CAPRIN2: variants seen among roughly 807,000 people sequenced by gnomAD.
CAPRIN2 encodes the protein caprin-2.
Under a neutral mutation model 130.4 loss-of-function variants are expected in CAPRIN2, and 66 were observed. That is an observed-to-expected ratio of 0.51 (90% CI 0.42 to 0.62). The LOEUF is 0.62. Ranked by LOEUF, CAPRIN2 falls within the 20% of genes least tolerant of loss-of-function variation. CAPRIN2 has a pLI of 0.00. For missense variants in CAPRIN2, 1,185 were observed against 1,246.6 expected, an observed-to-expected ratio of 0.95 and a Z score of 0.74; for synonymous variants, 471 against 444.1, an observed-to-expected ratio of 1.06 and a Z score of -0.76.
chr12:30,751,383 T>G (rs1420992507), intron 1 of CAPRIN2: 19 of 441,040 alleles, frequency 4.3e-5, no homozygotes, highest in Non-Finnish European at 6.7e-5. Context: ...TCTTAATGAC[T>G]CTATTAATAA....
At chr12:30,749,757 T>G (rs2072774131) in intron 2 of CAPRIN2, among the ~76,000 whole-genome samples, 1 of 152,212 alleles carries the variant, frequency 6.6e-6, no homozygotes, top group African/African-American at 2.4e-5. Flanking sequence ...TTCAGAGGAC[T>G]GATCTGTTGG....
intron 8 of CAPRIN2, 143 bp from the exon 10 acceptor site, chr12:30,726,231 C>T (rs2060885719): frequency 8.0e-6 from 5 of 624,058 alleles, no homozygotes; most frequent in South Asian, 1.5e-4. Flanking sequence ...TCATAAATAC[C>T]TTTTCTAAAT....
intron 5 of CAPRIN2, among the ~76,000 whole-genome samples, chr12:30,733,025 T>G (rs890309580): frequency 6.6e-6 from 1 of 152,162 alleles, no homozygotes; most frequent in Non-Finnish European, 1.5e-5. Context: ...TTTGGATTTT[T>G]TTTTAAAAGG....
exon 17 of CAPRIN2, chr12:30,709,957 T>A: frequency 6.2e-7 from 1 of 1,612,134 alleles, no homozygotes; most frequent in Non-Finnish European, 8.5e-7. Flanking sequence ...GCTACTTCCA[T>A]AAATTGCTCC....
intron 13 of CAPRIN2, 183 bp from the exon 16 acceptor site, chr12:30,715,324 A>G: frequency 1.5e-6 from 1 of 654,968 alleles, no homozygotes; most frequent in East Asian, 2.8e-5. Context: ...TATATAATGG[A>G]ATATTATTCA....
intron 8 of CAPRIN2, 160 bp downstream of exon 9, chr12:30,728,488 G>C (rs1305132138): frequency 1.7e-6 from 1 of 594,968 alleles, no homozygotes. Context: ...CCAGGAGGCG[G>C]AGGTTACAGT....
rs961170764 is a variant in CAPRIN2, at chr12:30,719,431, A to C, written c.2148+1380T>G. The C allele has an allele frequency of 3.9e-5, 22 of 561,654 alleles. No individual in the cohort carries two copies. In the African/African-American group the frequency reaches 4.1e-4, roughly 11 times the overall value. The allele number at this position is 561,654 out of a possible 1,614,324, so 34.8% of individuals were successfully genotyped here. ...ATTTGCTTTGCACAGCTTGCTGACT[A>C]AGTGAAAGAGTCTTACCAATAATCA... is the stretch of plus-strand genomic sequence containing the variant. On this transcript the variant is annotated intron_variant, in intron 12 of 16. Coordinates refer to ENST00000298892, the Ensembl canonical transcript of CAPRIN2.
chr12:30,750,143 A>G (rs2139825164), intron 2 of CAPRIN2, among the ~76,000 whole-genome samples: 1 of 152,364 alleles, frequency 6.6e-6, no homozygotes, highest in East Asian at 1.9e-4. Context: ...AAGTGAGCGC[A>G]CCATTTGCAG....
At chr12:30,713,711 G>T in intron 15 of CAPRIN2, 74 bp downstream of exon 17, 1 of 837,826 alleles carries the variant, frequency 1.2e-6, no homozygotes, top group Non-Finnish European at 2.0e-6. Context: ...TTATGACTCT[G>T]CGATATACTT....
At chr12:30,752,850 C>G (rs2074652590) in intron 1 of CAPRIN2, among the ~76,000 whole-genome samples, 1 of 152,218 alleles carries the variant, frequency 6.6e-6, no homozygotes, top group African/African-American at 2.4e-5. Context: ...ACTCCTGGGT[C>G]TCTTTACAAG....
rs971356056 is a variant in CAPRIN2 at position 30,710,803 on chromosome 12, T to C, written c.2666-333A>G. On this transcript the variant is annotated intron_variant, in intron 16 of 16. Transcript: ENST00000298892. The surrounding 1 kb of genome is among the most constrained non-coding windows in gnomAD (Gnocchi z 4.8). ...TTCATCTTCCTCCCATAATTCTTAA[T>C]TTCTCAGAGGTCATTCTACAAAGCA... Among the ~76,000 whole-genome samples the C allele has an allele frequency of 6.6e-6, 1 of 152,162 alleles. No individual in the cohort carries two copies. Among genetic ancestry groups the C allele is most frequent in the African/African-American group, 2.4e-5 (1 of 41,454 alleles).
intron 5 of CAPRIN2, 114 bp from the exon 7 acceptor site, chr12:30,731,624 T>C (rs971146391): frequency 1.2e-6 from 1 of 816,764 alleles, no homozygotes. Flanking sequence ...TTTACATTGA[T>C]GTACATAGTA....
exon 8 of CAPRIN2, chr12:30,728,653 T>C: frequency 6.2e-7 from 1 of 1,603,818 alleles, no homozygotes; most frequent in Non-Finnish European, 8.5e-7. Flanking sequence ...CTCACATCTT[T>C]GGGTTCTGTG....
Position 30,713,901 on chromosome 12 carries a change from A to G in CAPRIN2, c.2501-16T>C, listed in dbSNP as rs773576430. 6.5e-6 allele frequency: 9 copies of G among 1,391,234 alleles called. No individual in the cohort carries two copies. In the Admixed American group the frequency reaches 1.4e-4, roughly 21 times the overall value. The allele number at this position is 1,391,234 out of a possible 1,614,324, so 86.2% of individuals were successfully genotyped here. On this transcript the variant is annotated splice_polypyrimidine_tract_variant and intron_variant, in intron 14 of 16. Coordinates refer to ENST00000298892, the Ensembl canonical transcript of CAPRIN2. ...GTATCAAAACCTAATAAATAAACAA[A>G]CTTACATAAGATTATGGACAAAATC... is the stretch of plus-strand genomic sequence containing the variant.
In CAPRIN2 at chr12:30,743,203, T is replaced by A. The variant is rs545049647; in HGVS notation, c.484-2097A>T. 8.1e-5 allele frequency among the ~76,000 whole-genome samples: 12 copies of A among 147,758 alleles called. No homozygotes were observed. The South Asian group carries it at 1.1e-3, about 14-fold the overall frequency. On this transcript the variant is annotated intron_variant, in intron 2 of 16. Transcript: ENST00000298892. ...CAAAACTTTACTTTAGGATTCCGTC[T>A]TTGATGTCTTCTAACAAAGAGCTGC...
chr12:30,714,861 A>G, intron 14 of CAPRIN2, 98 bp downstream of exon 16: 1 of 934,780 alleles, frequency 1.1e-6, no homozygotes, highest in Non-Finnish European at 1.6e-6. Context: ...ACTACGTTGC[A>G]AATGACAAAA....
At chr12:30,731,792 A>C (rs915585836) in intron 5 of CAPRIN2, among the ~76,000 whole-genome samples, 8 of 152,068 alleles carry the variant, frequency 5.3e-5, no homozygotes, top group Admixed American at 4.6e-4. Flanking sequence ...CAAGTCACTT[A>C]AGTTTCTCTG....
chr12:30,754,251 CA>C, exon 1 of CAPRIN2: 1 of 155,166 alleles, frequency 6.4e-6, no homozygotes, highest in Non-Finnish European at 1.4e-5. Flanking sequence ...TAGACTAGCC[CA>C]AAACCGCTTA....
exon 12 of CAPRIN2, chr12:30,720,893 C>G: frequency 6.2e-7 from 1 of 1,613,180 alleles, no homozygotes; most frequent in Non-Finnish European, 8.5e-7. Flanking sequence ...ATTTGAGCTA[C>G]AAGTAACTGG....
Sources: gnomAD v4.1 joint callset for allele counts (sites outside exome capture counted in the v4.1 genomes callset) on GRCh38, gnomAD v4.1.1 for gene constraint, Gnocchi (gnomAD v3.1) non-coding constraint, MANE v1.5 for transcripts, NCBI Gene and HGNC (gene_info 2026-07-23, HGNC 2026-07-21) for gene names.